The following CDH26 variants were observed in gnomAD, a reference collection of about 807,000 sequenced individuals.
The protein encoded by CDH26 is cadherin 26.
In CDH26, 83 loss-of-function variants were observed where a neutral mutation model predicts 90.3. The ratio of observed to expected loss-of-function variants is 0.92; its 90% CI spans 0.77 to 1.10. The LOEUF (loss-of-function observed/expected upper bound fraction) is 1.10, where lower values mean the gene tolerates loss of function less well. CDH26 is among the 50% of genes least tolerant of loss of function. The pLI is 0.00. For missense variants in CDH26, 1,013 were observed against 1,037.6 expected, an observed-to-expected ratio of 0.98 and a Z score of 0.33; for synonymous variants, 397 against 396.3, an observed-to-expected ratio of 1.00 and a Z score of -0.02.
rs567623299 is a variant in CDH26, at chr20:60,031,917, A to G, written c.1143+491A>G. 2.6e-5 allele frequency among the ~76,000 whole-genome samples: 4 copies of G among 152,336 alleles called. No individual in the cohort carries two copies. The East Asian group carries it at 7.7e-4, about 29-fold the overall frequency. ...CAGCTGTCTGCTTCTATTAGCTTTC[A>G]TGACACAGGTGACACTGCATGGAAG... On this transcript the variant is annotated intron_variant, in intron 8 of 8. Coordinates refer to the CDH26 transcript ENST00000370991.
At chr20:59,986,796 A>T (rs2061464600) in intron 7 of CDH26, among the ~76,000 whole-genome samples, 1 of 152,182 alleles carries the variant, frequency 6.6e-6, no homozygotes, top group Non-Finnish European at 1.5e-5. Context: ...TTTAATTAGA[A>T]AAAAAACCTG....
chr20:60,033,773 A>ATTG lies in CDH26; in HGVS notation c.*98_*99insTGT, dbSNP rs138596444. On this transcript the variant is annotated 3_prime_UTR_variant, in exon 9 of 9. Coordinates refer to the CDH26 transcript ENST00000370991. ...GATGGCAATTATCCAGGTAGACAAG[A>ATTG]TGTGTGTGTGTGTGTGTGTGTGTGT... The ATTG allele has an allele frequency of 5.2e-5, 47 of 900,780 alleles. No homozygotes were observed. In the African/African-American group the frequency reaches 7.9e-4, roughly 15 times the overall value. The allele number at this position is 900,780 out of a possible 1,614,324, so 55.8% of individuals were successfully genotyped here.
At chr20:59,969,818 A>G (rs1421614411) in intron 2 of CDH26, among the ~76,000 whole-genome samples, 1 of 152,238 alleles carries the variant, frequency 6.6e-6, no homozygotes, top group Non-Finnish European at 1.5e-5. Flanking sequence ...AGTCATCTTT[A>G]ATGCTATGTC....
At chr20:59,968,377 G>C (rs898577842) in intron 1 of CDH26, among the ~76,000 whole-genome samples, 1 of 152,024 alleles carries the variant, frequency 6.6e-6, no homozygotes, top group African/African-American at 2.4e-5. Flanking sequence ...GATTACACGC[G>C]TGAGCCACCG....
downstream of CDH26, among the ~76,000 whole-genome samples, chr20:60,017,468 T>C (rs1022335149): frequency 6.6e-6 from 1 of 152,096 alleles, no homozygotes; most frequent in South Asian, 2.1e-4. Flanking sequence ...AATTTTTTGT[T>C]TCAATTTTAT....
chr20:59,996,141 C>A, intron 12 of CDH26, 87 bp downstream of exon 12: 1 of 1,314,326 alleles, frequency 7.6e-7, no homozygotes, highest in South Asian at 1.3e-5. Context: ...GGGTAGGGGA[C>A]AGCGGTGGCA....
chr20:59,994,589 G>C, intron 11 of CDH26, 100 bp downstream of exon 11: 1 of 1,449,432 alleles, frequency 6.9e-7, no homozygotes, highest in Non-Finnish European at 9.2e-7. Context: ...TAAAAAACCG[G>C]AGAGGTCTGC....
intron 11 of CDH26, 84 bp from the exon 12 acceptor site, chr20:59,995,749 C>T (rs557987367): frequency 1.1e-5 from 14 of 1,268,718 alleles, no homozygotes; most frequent in South Asian, 3.7e-5. Flanking sequence ...GAGCTTGGCC[C>T]GTGCAGGGCG....
At chr20:59,968,197 A>C (rs1441828221) in intron 1 of CDH26, among the ~76,000 whole-genome samples, 1 of 151,464 alleles carries the variant, frequency 6.6e-6, no homozygotes, top group African/African-American at 2.4e-5. Flanking sequence ...TCCCAGGTTC[A>C]AGCGATTCTC....
chr20:59,995,865 C>T lies in CDH26; in HGVS notation c.1699C>T (p.Leu567=). Residue 567 remains leucine, a synonymous_variant, in exon 12 of 18, where the codon CTG becomes TTG. Transcript: ENST00000348616. ...QSVELLTLRS[L]PRGNYLVPLF... ...AGTTGAACTTTTAACCTTGAGAAGC[C>T]TGCCACGTGGTAATTACTTGGTGCC... 6.2e-7 allele frequency: 1 copy of T among 1,614,228 alleles called. No homozygotes were observed. The highest frequency in any genetic ancestry group is 2.2e-5 in the East Asian group (1 of 44,886).
chr20:60,010,943 G>C (rs1445417980), intron 17 of CDH26, among the ~76,000 whole-genome samples: 1 of 152,156 alleles, frequency 6.6e-6, no homozygotes, highest in Non-Finnish European at 1.5e-5. Context: ...AGGCTCTTGG[G>C]GAGGCTTTCA....
At chr20:59,976,997 C>T (rs924102950) in intron 4 of CDH26, among the ~76,000 whole-genome samples, 4 of 152,084 alleles carry the variant, frequency 2.6e-5, no homozygotes, top group Admixed American at 6.6e-5. Context: ...GAGGAAGAAT[C>T]GGCGGAAGGT....
intron 7 of CDH26, among the ~76,000 whole-genome samples, chr20:60,024,857 G>C (rs2061983657): frequency 6.6e-6 from 1 of 152,224 alleles, no homozygotes; most frequent in Non-Finnish European, 1.5e-5. Context: ...CCTTGACCTA[G>C]CTGTGACCAG....
intron 7 of CDH26, among the ~76,000 whole-genome samples, chr20:59,987,195 A>G (rs1214899471): frequency 2.0e-5 from 3 of 152,188 alleles, no homozygotes; most frequent in African/African-American, 7.2e-5. Context: ...GAGTACTTTA[A>G]GAATTATTTA....
intron 3 of CDH26, 27 bp downstream of exon 3, chr20:59,970,213 C>T (rs929701036): frequency 1.2e-6 from 2 of 1,606,998 alleles, no homozygotes; most frequent in African/African-American, 1.3e-5. Flanking sequence ...TAAGGAATGA[C>T]CCCATCATGC....
downstream of CDH26, among the ~76,000 whole-genome samples, chr20:60,016,494 C>A (rs2061906487): frequency 6.6e-6 from 1 of 152,058 alleles, no homozygotes; most frequent in Admixed American, 6.6e-5. Flanking sequence ...ATTTATTTAT[C>A]AGTTCTAAGA....
intron 6 of CDH26, 35 bp downstream of exon 6, chr20:59,984,840 T>C (rs1350058641): frequency 1.3e-6 from 2 of 1,589,056 alleles, no homozygotes; most frequent in Non-Finnish European, 1.7e-6. Flanking sequence ...TTAAATGAAA[T>C]GTGTGGCCCA....
intron 4 of CDH26, among the ~76,000 whole-genome samples, chr20:59,977,387 A>C (rs1240061594): frequency 6.6e-6 from 1 of 152,130 alleles, no homozygotes; most frequent in African/African-American, 2.4e-5. Context: ...GCCTTTGCCC[A>C]CAGCCTTTTC....
intron 12 of CDH26, 61 bp downstream of exon 12, chr20:59,996,115 G>T: frequency 1.3e-6 from 2 of 1,532,410 alleles, no homozygotes; most frequent in Non-Finnish European, 1.8e-6. Context: ...ATAGGCCAGG[G>T]GTAAGGGGCT....
Sources: gnomAD v4.1 joint callset for allele counts (sites outside exome capture counted in the v4.1 genomes callset) on GRCh38, gnomAD v4.1.1 for gene constraint, MANE v1.5 for transcripts, NCBI Gene and HGNC (gene_info 2026-07-23, HGNC 2026-07-21) for gene names.